The following USP42 variants were observed in gnomAD, a reference collection of about 807,000 sequenced individuals.
USP42 encodes the protein ubiquitin specific peptidase 42.
USP42 carries 23 observed loss-of-function variants against 113.0 expected under a neutral mutation model. That is an observed-to-expected ratio of 0.20 (90% CI 0.15 to 0.29). The LOEUF (loss-of-function observed/expected upper bound fraction) is 0.29. Among genes scored for constraint, USP42 ranks in the 10% least tolerant of loss-of-function variants. The probability of loss-of-function intolerance (pLI) is 1.00; values close to 1 mark genes in which losing one functional copy is unlikely to be tolerated. For synonymous variants in USP42, 933 were observed against 699.0 expected, an observed-to-expected ratio of 1.33 and a Z score of -5.28; for missense variants, 2,174 against 1,779.8, an observed-to-expected ratio of 1.22 and a Z score of -3.99.
At chr7:6,117,110 C>T (rs1317343761) in intron 3 of USP42, among the ~76,000 whole-genome samples, 5 of 151,836 alleles carry the variant, frequency 3.3e-5, no homozygotes, top group Non-Finnish European at 7.4e-5. Flanking sequence ...TTGTATACAC[C>T]CGTGGAACTA....
chr7:6,103,162 G>C (rs763783008), upstream of USP42, among the ~76,000 whole-genome samples: 1 of 151,162 alleles, frequency 6.6e-6, no homozygotes, highest in Non-Finnish European at 1.5e-5. Flanking sequence ...TCGAGGTGGA[G>C]ACAGCCAATA....
intron 8 of USP42, among the ~76,000 whole-genome samples, chr7:6,143,747 T>G (rs1781554608): frequency 6.6e-6 from 1 of 152,152 alleles, no homozygotes; most frequent in African/African-American, 2.4e-5. Flanking sequence ...AAGACATATT[T>G]TCACATAATT....
chr7:6,153,896 C>G lies in USP42; in HGVS notation c.2342C>G (p.Pro781Arg). ...AAGAAGGCTCCGCCGCCCCGCGATC[C>G]CGGCACCCCCGCTACCAAAGAAGGC... Reference protein sequence around the residue: ...STKKAPPPRDPGTPATKEGAW... With the variant: ...STKKAPPPRDRGTPATKEGAW... The change falls in exon 15 of 18, where the codon CCC (proline) becomes CGC (arginine). Residue 781 changes from proline (P) to arginine (R), a missense_variant. Physicochemically the swap from Pro to Arg is moderately radical, Grantham distance 103 (BLOSUM62 -2). Coordinates refer to ENST00000306177, the MANE Select transcript of USP42 (RefSeq NM_032172.3). The G allele has an allele frequency of 6.3e-7, 1 of 1,586,256 alleles. No individual in the cohort carries two copies. The highest frequency in any genetic ancestry group is 8.6e-7 in the Non-Finnish European group (1 of 1,168,576).
In USP42 at chr7:6,154,846, CGGG is replaced by C. The variant is rs1346788426; in HGVS notation, c.3294_3296del (p.Gly1099del). The C allele has an allele frequency of 6.5e-7, 1 of 1,537,950 alleles. No homozygotes were observed. The highest frequency in any genetic ancestry group is 8.8e-7 in the Non-Finnish European group (1 of 1,140,106). ...CGAGCGGCCGCACAAGGACCACAACCGGGGCCGTAGGGGCTGCGAGCCGGCCCG... is the reference window on the plus strand; with the variant it reads ...CGAGCGGCCGCACAAGGACCACAACCGCCGTAGGGGCTGCGAGCCGGCCCG... On this transcript the variant is annotated inframe_deletion, in exon 15 of 18. Coordinates refer to ENST00000306177, the MANE Select transcript of USP42 (RefSeq NM_032172.3).
chr7:6,097,909 T>TAA, the USP42 span, among the ~76,000 whole-genome samples: 83 of 120,474 alleles, frequency 6.9e-4, no homozygotes, highest in Non-Finnish European at 1.1e-3. Context: ...TTTCTTTTCT[T>TAA]TTTTTTTTTT....
At chr7:6,105,509 C>T (rs1297614153) in intron 1 of USP42, among the ~76,000 whole-genome samples, 2 of 140,820 alleles carry the variant, frequency 1.4e-5, no homozygotes, top group African/African-American at 5.2e-5. Context: ...CGCCCCGGAG[C>T]CCCCTCAGAG....
chr7:6,127,449 T>C (rs1780601450), intron 3 of USP42, among the ~76,000 whole-genome samples: 1 of 152,234 alleles, frequency 6.6e-6, no homozygotes, highest in African/African-American at 2.4e-5. Context: ...GTGATCCATT[T>C]TGAGTTTTTT....
intron 3 of USP42, among the ~76,000 whole-genome samples, chr7:6,118,662 T>C (rs982767113): frequency 1.3e-5 from 2 of 152,206 alleles, no homozygotes; most frequent in Non-Finnish European, 2.9e-5. Context: ...AATTTTTGTT[T>C]GTGATGTGAA....
chr7:6,140,046 C>T (rs779793446), intron 5 of USP42, 82 bp from the exon 6 acceptor site: 9 of 1,226,878 alleles, frequency 7.3e-6, no homozygotes, highest in Non-Finnish European at 8.5e-6. Flanking sequence ...CTTTTGTGAG[C>T]TCCCATGTGT....
chr7:6,155,435 C>G (rs2128523856), intron 15 of USP42, among the ~76,000 whole-genome samples: 1 of 152,344 alleles, frequency 6.6e-6, no homozygotes, highest in East Asian at 1.9e-4. Flanking sequence ...TAACAACCTT[C>G]TTTTTCAAAA....
rs1782628177 is a variant in USP42, at chr7:6,159,134, CT to C, written c.3944-313del. Among the ~76,000 whole-genome samples the C allele has an allele frequency of 6.6e-6, 1 of 152,198 alleles. No homozygotes were observed. The highest frequency in any genetic ancestry group is 2.4e-5 in the African/African-American group (1 of 41,462). On this transcript the variant is annotated intron_variant, in intron 16 of 17. Transcript: ENST00000306177. This position sits in a 1 kb window ranked among gnomAD's most constrained non-coding sequence, Gnocchi z 4.1. Reference sequence around the variant, plus strand: ...TCTACCCTGGACTTCGGCCCCTTGTCTTTCTCTTTCAAACTCCTCCTCTGGC... The same window carrying C: ...TCTACCCTGGACTTCGGCCCCTTGTCTTCTCTTTCAAACTCCTCCTCTGGC...
At chr7:6,085,614 A>G in the USP42 span, among the ~76,000 whole-genome samples, 1 of 136,450 alleles carries the variant, frequency 7.3e-6, no homozygotes, top group South Asian at 2.2e-4. Context: ...ATATATATAT[A>G]TATATATATA....
the USP42 span, among the ~76,000 whole-genome samples, chr7:6,084,122 G>A: frequency 1.3e-5 from 2 of 151,272 alleles, no homozygotes; most frequent in East Asian, 3.9e-4. Context: ...CGCCTCTCGG[G>A]TTCAAGTGAT....
the USP42 span, among the ~76,000 whole-genome samples, chr7:6,089,360 C>T: frequency 6.7e-6 from 1 of 150,268 alleles, no homozygotes; most frequent in Admixed American, 6.6e-5. Context: ...TCTTTGGTGT[C>T]CTGAGGATTG....
intron 2 of USP42, among the ~76,000 whole-genome samples, chr7:6,112,526 A>G (rs1779653778): frequency 6.6e-6 from 1 of 152,220 alleles, no homozygotes; most frequent in Non-Finnish European, 1.5e-5. Context: ...ATGTGGTTAC[A>G]TTCGTTAAAA....
the USP42 span, among the ~76,000 whole-genome samples, chr7:6,092,011 C>CTT: frequency 1.1e-5 from 1 of 95,230 alleles, no homozygotes; most frequent in Non-Finnish European, 2.3e-5. Flanking sequence ...TCTTCTTCTT[C>CTT]TTCTTCTTCT....
intron 14 of USP42, among the ~76,000 whole-genome samples, chr7:6,152,558 C>T (rs760002991): frequency 1.8e-4 from 28 of 152,132 alleles, no homozygotes; most frequent in African/African-American, 4.3e-4. Context: ...GATATTAAAC[C>T]GGAATGGGGC....
At chr7:6,130,050 A>G (rs1780763741) in intron 3 of USP42, among the ~76,000 whole-genome samples, 1 of 151,876 alleles carries the variant, frequency 6.6e-6, no homozygotes, top group Non-Finnish European at 1.5e-5. Flanking sequence ...CAGTGGTGTA[A>G]TCATGGCTCA....
intron 12 of USP42, among the ~76,000 whole-genome samples, chr7:6,148,358 CAAA>C (rs530212786): frequency 2.9e-4 from 44 of 152,204 alleles, no homozygotes; most frequent in Admixed American, 2.1e-3. Context: ...CCCAAAAAAA[CAAA>C]AACCCCAAAA....
Sources: gnomAD v4.1 joint callset for allele counts (sites outside exome capture counted in the v4.1 genomes callset) on GRCh38, gnomAD v4.1.1 for gene constraint, Gnocchi (gnomAD v3.1) non-coding constraint, MANE v1.5 for transcripts, NCBI Gene and HGNC (gene_info 2026-07-23, HGNC 2026-07-21) for gene names.